FOXK1: variants seen among roughly 807,000 people sequenced by gnomAD.
FOXK1 encodes forkhead box protein K1.
A neutral mutation model predicts 51.9 loss-of-function variants in FOXK1; 19 were observed. The observed-to-expected ratio is 0.37, with a 90% CI of 0.26 to 0.54. FOXK1 has a LOEUF of 0.54. FOXK1 is among the 20% of genes least tolerant of loss of function. The probability of loss-of-function intolerance (pLI) is 0.87; values close to 1 mark genes in which losing one functional copy is unlikely to be tolerated. For synonymous variants in FOXK1, 537 were observed against 482.6 expected (o/e 1.11, Z -1.48); for missense variants, 870 against 1,032.7 (o/e 0.84, Z 2.16).
Position 4,761,305 on chromosome 7 carries a change from G to T in FOXK1, c.1921+17G>T. The stretch of plus-strand genomic sequence containing the variant: ...ACGCTTACGGTGAGGCCCTGGCCCT[G>T]TTCTCCATGCCACATCCCAAGCTCT... On this transcript the variant is annotated intron_variant, in intron 8 of 8. Transcript: ENST00000328914. The surrounding 1 kb of genome is among the most constrained non-coding windows in gnomAD (Gnocchi z 6.2). The T allele has an allele frequency of 6.2e-7, 1 of 1,605,102 alleles. No homozygotes were observed. Among genetic ancestry groups the T allele is most frequent in the Non-Finnish European group, 8.5e-7 (1 of 1,176,986 alleles).
rs983586532 is a variant in FOXK1 at position 4,743,507 on chromosome 7, G to A, written c.746+2484G>A. On this transcript the variant is annotated intron_variant, in intron 2 of 8. Transcript: ENST00000328914. This position sits in a 1 kb window ranked among gnomAD's most constrained non-coding sequence, Gnocchi z 5.3. ...GAAGGTTGCAGTGAGCTGAGATCAC[G>A]CGACTGCACTCCAGCCCGGGCGATA... is the stretch of plus-strand genomic sequence containing the variant. Among the ~76,000 whole-genome samples, 4 of 152,190 alleles carry A rather than the reference G, an allele frequency of 2.6e-5. No individual in the cohort carries two copies. The highest frequency in any genetic ancestry group is 4.4e-5 in the Non-Finnish European group (3 of 68,034).
intron 1 of FOXK1, among the ~76,000 whole-genome samples, chr7:4,698,165 C>T (rs1054324539): frequency 4.6e-5 from 7 of 152,016 alleles, no homozygotes; most frequent in Non-Finnish European, 8.8e-5. Flanking sequence ...AAAAGTTGCA[C>T]GCCTCCAAAA....
rs907846846 is a variant in FOXK1, at chr7:4,729,227, C to G, written c.561-11611C>G. Among the ~76,000 whole-genome samples, 1 of 152,144 alleles carries G rather than the reference C, an allele frequency of 6.6e-6. No individual in the cohort carries two copies. The highest frequency in any genetic ancestry group is 1.5e-5 in the Non-Finnish European group (1 of 68,018). On this transcript the variant is annotated intron_variant, in intron 1 of 8. Coordinates refer to ENST00000328914, the MANE Select transcript of FOXK1 (RefSeq NM_001037165.2). The surrounding 1 kb of genome is among the most constrained non-coding windows in gnomAD (Gnocchi z 6.2). ...ACTCTCCGATCCTCAGGATCCTCTT[C>G]GGGAGCAGCAGGCAGTGGCTTTCTC...
In FOXK1 at chr7:4,735,224, A is replaced by G. The variant is rs1017746432; in HGVS notation, c.561-5614A>G. The stretch of plus-strand genomic sequence containing the variant: ...GCTGAGCCAGGCAGTGTCATCTCCA[A>G]CCAAGTCACCAGTTTGGCCCAACTT... On this transcript the variant is annotated intron_variant, in intron 1 of 8. Coordinates refer to ENST00000328914, the MANE Select transcript of FOXK1 (RefSeq NM_001037165.2). This position sits in a 1 kb window ranked among gnomAD's most constrained non-coding sequence, Gnocchi z 4.7. 2.0e-5 allele frequency among the ~76,000 whole-genome samples: 3 copies of G among 151,974 alleles called. No individual in the cohort carries two copies. The highest frequency in any genetic ancestry group is 7.3e-5 in the African/African-American group (3 of 41,366).
intron 1 of FOXK1, among the ~76,000 whole-genome samples, chr7:4,687,558 T>C (rs955325767): frequency 7.2e-5 from 11 of 152,056 alleles, no homozygotes; most frequent in Admixed American, 7.2e-4. Flanking sequence ...CTCTCAAAAG[T>C]GCTAGGATGA....
At position 4,740,814 on chromosome 7, in the gene FOXK1, C is replaced by A. The variant is rs757464017; in HGVS notation, c.561-24C>A. 12 of 1,589,216 alleles carry A rather than the reference C, an allele frequency of 7.6e-6. 1 individual carries two copies. The highest frequency in any genetic ancestry group is 1.7e-4 in the Middle Eastern group (1 of 5,992). ...TTCTTGAGTCTCCTCCTGCACCTCA[C>A]ACCCGCTCCTCCTCCTGTTGCAGGT... On this transcript the variant is annotated intron_variant, in intron 1 of 8. Coordinates refer to ENST00000328914, the MANE Select transcript of FOXK1 (RefSeq NM_001037165.2).
At chr7:4,744,805 T>C (rs1321613100) in intron 2 of FOXK1, among the ~76,000 whole-genome samples, 1 of 152,360 alleles carries the variant, frequency 6.6e-6, no homozygotes, top group Admixed American at 6.5e-5. Context: ...TCCTGTTCTT[T>C]GAAACCGCCC....
chr7:4,750,433 T>A (rs1364507145), intron 2 of FOXK1, among the ~76,000 whole-genome samples: 2 of 151,114 alleles, frequency 1.3e-5, no homozygotes, highest in East Asian at 3.9e-4. Flanking sequence ...GTGTATGCCG[T>A]CGTTTTCAGC....
rs897348230 is a variant in FOXK1 at position 4,749,987 on chromosome 7, A to G, written c.747-4472A>G. ...GGCACCTTCTAGGCCCGGCCCCTGG[A>G]TGCGGTGGAGGCTGCCCGGGGTGGG... is the stretch of plus-strand genomic sequence containing the variant. On this transcript the variant is annotated intron_variant, in intron 2 of 8. Transcript: ENST00000328914. The surrounding 1 kb of genome is among the most constrained non-coding windows in gnomAD (Gnocchi z 6.0). 2.6e-5 allele frequency among the ~76,000 whole-genome samples: 4 copies of G among 152,120 alleles called. No homozygotes were observed. Among genetic ancestry groups the G allele is most frequent in the African/African-American group, 9.7e-5 (4 of 41,426 alleles).
chr7:4,688,046 A>G (rs893089700), intron 1 of FOXK1, among the ~76,000 whole-genome samples: 7 of 152,110 alleles, frequency 4.6e-5, no homozygotes, highest in Admixed American at 1.3e-4. Context: ...TTTTAAATAC[A>G]TACTTTTTAT....
Position 4,682,559 on chromosome 7 carries a change from C to T in FOXK1, c.251C>T (p.Ala84Val). ...SSGVSGDSAV[A>V]GAAPALVAAA... is the part of the protein sequence containing the mutation. ...GGGGTATCCGGGGACTCCGCGGTCG[C>T]GGGCGCGGCGCCGGCCCTGGTGGCC... Residue 84 changes from alanine (A) to valine (V), a missense_variant, in exon 1 of 9, where the codon GCG becomes GTG. Transcript: ENST00000328914. The surrounding 1 kb of genome is among the most constrained non-coding windows in gnomAD (Gnocchi z 7.6). 8.5e-7 allele frequency: 1 copy of T among 1,172,048 alleles called. No individual in the cohort carries two copies. Among genetic ancestry groups the T allele is most frequent in the Non-Finnish European group, 1.0e-6 (1 of 952,644 alleles). 72.6% of individuals were successfully genotyped at this position (1,172,048 alleles called of 1,614,324 possible). A position where few individuals can be genotyped will look rare whatever the true frequency, so the allele number is the denominator to read the frequency against.
chr7:4,721,460 G>T (rs1214033676), intron 1 of FOXK1, among the ~76,000 whole-genome samples: 1 of 152,142 alleles, frequency 6.6e-6, no homozygotes, highest in Non-Finnish European at 1.5e-5. Flanking sequence ...CCAGGCGTCG[G>T]CTGTCAGTTA....
chr7:4,709,687 C>T lies in FOXK1; in HGVS notation c.560+26819C>T, dbSNP rs1020417580. On this transcript the variant is annotated intron_variant, in intron 1 of 8. Coordinates refer to ENST00000328914, the MANE Select transcript of FOXK1 (RefSeq NM_001037165.2). The surrounding 1 kb of genome is among the most constrained non-coding windows in gnomAD (Gnocchi z 5.6). ...AAAGCGTAATTCACATGATACAAAA[C>T]GTCAAATTGCGTTTTACGCCATTGG... Among the ~76,000 whole-genome samples the T allele has an allele frequency of 2.0e-5, 3 of 152,212 alleles. No individual in the cohort carries two copies. Among genetic ancestry groups the T allele is most frequent in the East Asian group, 1.9e-4 (1 of 5,198 alleles).
intron 2 of FOXK1, among the ~76,000 whole-genome samples, chr7:4,744,231 T>C (rs990470104): frequency 1.9e-4 from 29 of 152,324 alleles, no homozygotes; most frequent in African/African-American, 6.5e-4. Flanking sequence ...ATACCTGTGT[T>C]TTAAATTACG....
chr7:4,697,493 A>G (rs1376154817), intron 1 of FOXK1, among the ~76,000 whole-genome samples: 1 of 152,176 alleles, frequency 6.6e-6, no homozygotes, highest in East Asian at 1.9e-4. Context: ...GCCGGAGACC[A>G]TGTGGACCCC....
chr7:4,698,876 T>C (rs996826028), intron 1 of FOXK1, among the ~76,000 whole-genome samples: 22 of 152,196 alleles, frequency 1.4e-4, no homozygotes, highest in African/African-American at 4.6e-4. Context: ...TTTATGGAGA[T>C]GGGGTCTTGC....
At position 4,711,509 on chromosome 7, in the gene FOXK1, G is replaced by A. The variant is rs1270803432; in HGVS notation, c.560+28641G>A. On this transcript the variant is annotated intron_variant, in intron 1 of 8. Transcript: ENST00000328914. This position sits in a 1 kb window ranked among gnomAD's most constrained non-coding sequence, Gnocchi z 6.3. ...AGACGTCTTGGCAAGTGAAGAGTGT[G>A]AAGAGGTGTGCCCCATCCCATGGCC... Among the ~76,000 whole-genome samples the A allele has an allele frequency of 2.0e-5, 3 of 152,186 alleles. No homozygotes were observed. The highest frequency in any genetic ancestry group is 7.2e-5 in the African/African-American group (3 of 41,458).
intron 1 of FOXK1, among the ~76,000 whole-genome samples, chr7:4,687,190 C>T (rs1779830697): frequency 1.3e-5 from 2 of 151,990 alleles, no homozygotes; most frequent in South Asian, 4.1e-4. Context: ...CCTCGGCCTT[C>T]CAAAGTGCTG....
At chr7:4,686,960 T>TCTTG in intron 1 of FOXK1, among the ~76,000 whole-genome samples, 1 of 147,250 alleles carries the variant, frequency 6.8e-6, no homozygotes, top group African/African-American at 2.6e-5. Context: ...TGAGACAGAG[T>TCTTG]CTTGCTCTGT....
Sources: gnomAD v4.1 joint callset for allele counts (sites outside exome capture counted in the v4.1 genomes callset) on GRCh38, gnomAD v4.1.1 for gene constraint, Gnocchi (gnomAD v3.1) non-coding constraint, MANE v1.5 for transcripts, NCBI Gene and HGNC (gene_info 2026-07-23, HGNC 2026-07-21) for gene names.